CNTFR: variants seen among roughly 807,000 people sequenced by gnomAD.
CNTFR encodes ciliary neurotrophic factor receptor subunit alpha.
In CNTFR, 12 loss-of-function variants were observed where a neutral mutation model predicts 40.4. The ratio of observed to expected loss-of-function variants is 0.30; its 90% CI spans 0.19 to 0.48. CNTFR has a LOEUF of 0.48. CNTFR is among the 20% of genes least tolerant of loss of function. The pLI is 0.99. For synonymous variants in CNTFR, 202 were observed against 209.6 expected, an observed-to-expected ratio of 0.96 and a Z score of 0.31; for missense variants, 414 against 506.8, an observed-to-expected ratio of 0.82 and a Z score of 1.76.
chr9:34,579,564 C>T (rs746726366), intron 2 of CNTFR, among the ~76,000 whole-genome samples: 2 of 151,680 alleles, frequency 1.3e-5, no homozygotes, highest in Admixed American at 6.6e-5. Context: ...GAGGCTCCCA[C>T]GGAGGCTGAG....
chr9:34,573,535 A>G (rs1826786284), intron 2 of CNTFR, among the ~76,000 whole-genome samples: 1 of 152,162 alleles, frequency 6.6e-6, no homozygotes, highest in Non-Finnish European at 1.5e-5. Flanking sequence ...AAATCCAAAG[A>G]AGGTCACCGG....
intron 4 of CNTFR, among the ~76,000 whole-genome samples, chr9:34,560,144 T>G: frequency 6.6e-6 from 1 of 152,196 alleles, no homozygotes; most frequent in Non-Finnish European, 1.5e-5. Flanking sequence ...AAGGAGTGAC[T>G]TGCTGCAGCT....
At chr9:34,578,193 G>C (rs1827089093) in intron 2 of CNTFR, among the ~76,000 whole-genome samples, 1 of 152,082 alleles carries the variant, frequency 6.6e-6, no homozygotes, top group African/African-American at 2.4e-5. Context: ...CGCGCGGTGA[G>C]CGACGAGGGC....
At chr9:34,563,816 TC>T (rs1174189372) in intron 4 of CNTFR, among the ~76,000 whole-genome samples, 2 of 152,072 alleles carry the variant, frequency 1.3e-5, no homozygotes. Context: ...CAGGTCCTCA[TC>T]CTCTCTCCTG....
At chr9:34,574,021 G>C (rs1826818490) in intron 2 of CNTFR, among the ~76,000 whole-genome samples, 1 of 152,218 alleles carries the variant, frequency 6.6e-6, no homozygotes, top group African/African-American at 2.4e-5. Context: ...GGAAGCTCCA[G>C]GACAGGGAGG....
Position 34,551,593 on chromosome 9 carries a change from AC to A in CNTFR, c.*477del, listed in dbSNP as rs993918121. The stretch of plus-strand genomic sequence containing the variant: ...AGGAGCAGGGTCAGGGGAGGGGTAT[AC>A]AAAACAGGGCAGAGGGGAGGGGACT... On this transcript the variant is annotated 3_prime_UTR_variant, in exon 10 of 10. Transcript: ENST00000378980. 11 of 276,722 alleles carry A rather than the reference AC, an allele frequency of 4.0e-5. No homozygotes were observed. Among genetic ancestry groups the A allele is most frequent in the African/African-American group, 2.5e-4 (11 of 44,248 alleles). The allele number at this position is 276,722 out of a possible 1,614,324, so 17.1% of individuals were successfully genotyped here. A position where few individuals can be genotyped will look rare whatever the true frequency, so the allele number is the denominator to read the frequency against.
At position 34,551,669 on chromosome 9, in the gene CNTFR, C is replaced by G; in HGVS notation, c.*402G>C. ...GGGGATGGCTGGGCCCCCCCAGCAT[C>G]AGGAGCTTATAATCTGATGGTGGCA... On this transcript the variant is annotated 3_prime_UTR_variant, in exon 10 of 10. Transcript: ENST00000378980. The G allele has an allele frequency of 2.8e-6, 1 of 353,406 alleles. No homozygotes were observed. The highest frequency in any genetic ancestry group is 4.6e-5 in the Admixed American group (1 of 21,616). The allele number at this position is 353,406 out of a possible 1,614,324, so 21.9% of individuals were successfully genotyped here.
At chr9:34,578,460 T>C (rs538185901) in intron 2 of CNTFR, among the ~76,000 whole-genome samples, 1 of 152,264 alleles carries the variant, frequency 6.6e-6, no homozygotes, top group Admixed American at 6.5e-5. Flanking sequence ...GGGGCCTCCT[T>C]TCCCCTCCCA....
chr9:34,564,118 C>T (rs923140177), intron 4 of CNTFR, among the ~76,000 whole-genome samples: 2 of 152,180 alleles, frequency 1.3e-5, no homozygotes, highest in African/African-American at 4.8e-5. Flanking sequence ...TCTCCATTCG[C>T]TTCCCACTCC....
intron 2 of CNTFR, among the ~76,000 whole-genome samples, chr9:34,575,619 A>C (rs1354731039): frequency 6.6e-6 from 1 of 151,976 alleles, no homozygotes; most frequent in Non-Finnish European, 1.5e-5. Flanking sequence ...TGGTGCAGAC[A>C]CACCCTTGAA....
rs139835086 is a variant in CNTFR at position 34,557,653 on chromosome 9, G to A, written c.477C>T (p.Ala159=). Residue 159 remains alanine (A), a synonymous_variant, in exon 6 of 10, where the codon GCC becomes GCT. Coordinates refer to ENST00000378980, the MANE Select transcript of CNTFR (RefSeq NM_147164.3). The surrounding 1 kb of genome is among the most constrained non-coding windows in gnomAD (Gnocchi z 4.2). ...AGCGAATGTGGCAGCGGTTCTTGAG[G>A]GCTGGGTCCTTCTCACAGACCATAA... is the stretch of plus-strand genomic sequence containing the variant. ...SKIMVCEKDP[A]LKNRCHIRYM... 4.3e-5 allele frequency: 69 copies of A among 1,614,088 alleles called. 1 individual carries two copies. The highest frequency in any genetic ancestry group is 5.7e-5 in the Non-Finnish European group (67 of 1,180,026).
chr9:34,573,932 A>C (rs1412823767), intron 2 of CNTFR, among the ~76,000 whole-genome samples: 2 of 152,242 alleles, frequency 1.3e-5, no homozygotes, highest in African/African-American at 4.8e-5. Flanking sequence ...GGGGGCAAAG[A>C]CAGGGACAAG....
chr9:34,581,736 G>C (rs908133719), intron 1 of CNTFR, among the ~76,000 whole-genome samples: 15 of 152,166 alleles, frequency 9.9e-5, no homozygotes, highest in African/African-American at 3.6e-4. Context: ...TGATAACCAA[G>C]GAGATTGAGC....
intron 2 of CNTFR, among the ~76,000 whole-genome samples, chr9:34,579,057 A>C (rs1302693442): frequency 6.6e-6 from 1 of 152,176 alleles, no homozygotes; most frequent in Non-Finnish European, 1.5e-5. Context: ...ACACATATAC[A>C]TGAGCACACG....
intron 4 of CNTFR, among the ~76,000 whole-genome samples, chr9:34,560,946 C>T (rs1197121010): frequency 3.9e-5 from 6 of 152,246 alleles, no homozygotes; most frequent in African/African-American, 1.4e-4. Context: ...GGGCTGGAGC[C>T]CCCGGCACGC....
chr9:34,573,466 G>A (rs1307610281), intron 2 of CNTFR, among the ~76,000 whole-genome samples: 2 of 152,186 alleles, frequency 1.3e-5, no homozygotes, highest in Admixed American at 1.3e-4. Context: ...GATCAGGGGG[G>A]CCTCAAGGCA....
intron 1 of CNTFR, among the ~76,000 whole-genome samples, chr9:34,583,805 G>A (rs1827432034): frequency 6.6e-6 from 1 of 152,078 alleles, no homozygotes; most frequent in Non-Finnish European, 1.5e-5. Context: ...CTCCGGGCCT[G>A]GGCCAGGGCC....
chr9:34,570,369 A>G (rs1472274069), intron 2 of CNTFR, among the ~76,000 whole-genome samples: 1 of 152,238 alleles, frequency 6.6e-6, no homozygotes. Flanking sequence ...GAAACACTGT[A>G]AAGGACTCAG....
chr9:34,590,156 A>ACG (rs201362540), upstream of CNTFR: 278 of 148,672 alleles, frequency 1.9e-3, 2 homozygotes, highest in African/African-American at 6.6e-3. Flanking sequence ...GGTCTCGCAA[A>ACG]CGCGCGCGCG....
Sources: gnomAD v4.1 joint callset for allele counts (sites outside exome capture counted in the v4.1 genomes callset) on GRCh38, gnomAD v4.1.1 for gene constraint, Gnocchi (gnomAD v3.1) non-coding constraint, MANE v1.5 for transcripts, NCBI Gene and HGNC (gene_info 2026-07-23, HGNC 2026-07-21) for gene names.